Variants in CFAP74 observed in about 807,000 individuals in gnomAD.
CFAP74 encodes the protein cilia and flagella associated protein 74.
A neutral mutation model predicts 188.9 loss-of-function variants in CFAP74; 124 were observed. The ratio of observed to expected loss-of-function variants is 0.66; its 90% CI spans 0.57 to 0.76. CFAP74 has a LOEUF of 0.76. CFAP74 is among the 30% of genes least tolerant of loss of function. CFAP74 has a pLI of 0.00. For missense variants in CFAP74, 2,198 were observed against 2,165.2 expected, an observed-to-expected ratio of 1.02 and a Z score of -0.30; for synonymous variants, 956 against 916.7, an observed-to-expected ratio of 1.04 and a Z score of -0.77.
intron 10 of CFAP74, among the ~76,000 whole-genome samples, chr1:1,970,362 T>C (rs977693338): frequency 6.6e-6 from 1 of 151,914 alleles, no homozygotes; most frequent in African/African-American, 2.4e-5. Context: ...TTGTGAGAAG[T>C]CAGGACAGGA....
rs1179598278 is a variant in CFAP74, at chr1:1,944,377, A to G, written c.2440T>C (p.Cys814Arg). The G allele has an allele frequency of 6.5e-7, 1 of 1,536,100 alleles. No individual in the cohort carries two copies. Among genetic ancestry groups the G allele is most frequent in the Admixed American group, 2.0e-5 (1 of 51,000 alleles). ...VPKPSVDLKI[C>R]MYDRLYQDSV... ...TCCTGGTAGAGCCGGTCATACATGC[A>G]GATCTTCAGGTCCACGCTGGGCTTC... is the stretch of plus-strand genomic sequence containing the variant. Residue 814 changes from cysteine to arginine, a missense_variant, in exon 21 of 39, where the codon TGC (cysteine) becomes CGC (arginine). Coordinates refer to ENST00000682832, the MANE Select transcript of CFAP74 (RefSeq NM_001304360.2).
At chr1:1,988,680 G>T in intron 3 of CFAP74, 25 bp from the exon 4 acceptor site, 1 of 1,601,872 alleles carries the variant, frequency 6.2e-7, no homozygotes. Flanking sequence ...GACGTCAGCT[G>T]CCACCACCCC....
chr1:1,971,669 G>A (rs1656086451), intron 9 of CFAP74, among the ~76,000 whole-genome samples: 2 of 152,218 alleles, frequency 1.3e-5, no homozygotes, highest in South Asian at 4.1e-4. Flanking sequence ...TTGGCCCCAG[G>A]GCATGGCCTC....
chr1:1,972,460 C>A (rs1054699302), intron 8 of CFAP74, among the ~76,000 whole-genome samples: 1 of 152,244 alleles, frequency 6.6e-6, no homozygotes, highest in East Asian at 1.9e-4. Context: ...ACACGCCCAG[C>A]GCATCTCAAG....
At chr1:1,990,085 G>A (rs756390638) in intron 2 of CFAP74, among the ~76,000 whole-genome samples, 4 of 152,162 alleles carry the variant, frequency 2.6e-5, no homozygotes, top group African/African-American at 4.8e-5. Flanking sequence ...CAATAGGTTC[G>A]TTATTGCTAT....
chr1:1,926,878 C>T lies in CFAP74; in HGVS notation c.3662+16G>A. ...TGCGGCTGACCACACCCTGTTCTGGCCAGAGCACCCCGCACCTGAAGCTCA... is the reference window on the plus strand; with the variant it reads ...TGCGGCTGACCACACCCTGTTCTGGTCAGAGCACCCCGCACCTGAAGCTCA... On this transcript the variant is annotated intron_variant, in intron 29 of 38. Transcript: ENST00000682832. 1.3e-6 allele frequency: 2 copies of T among 1,549,872 alleles called. No individual in the cohort carries two copies. The highest frequency in any genetic ancestry group is 1.7e-6 in the Non-Finnish European group (2 of 1,146,702).
intron 1 of CFAP74, among the ~76,000 whole-genome samples, chr1:1,994,037 C>T (rs1441424684): frequency 2.6e-5 from 4 of 151,674 alleles, no homozygotes; most frequent in Non-Finnish European, 2.9e-5. Context: ...TGGTGGTGGG[C>T]ACCTGTAGTC....
Position 1,996,059 on chromosome 1 carries a change from A to G in CFAP74, c.-19-5084T>C, listed in dbSNP as rs867450236. Among the ~76,000 whole-genome samples the G allele has an allele frequency of 7.2e-5, 11 of 152,138 alleles. No homozygotes were observed. The South Asian group carries it at 1.9e-3, about 26-fold the overall frequency. On this transcript the variant is annotated intron_variant, in intron 1 of 38. Coordinates refer to ENST00000682832, the MANE Select transcript of CFAP74 (RefSeq NM_001304360.2). ...GAGTGCAGAGGTACGATCTCGGCTC[A>G]CTGCAACCTCTGCCTCCCGGAGTCA...
chr1:1,974,307 G>A, intron 6 of CFAP74, 109 bp from the exon 7 acceptor site: 1 of 1,125,942 alleles, frequency 8.9e-7, no homozygotes, highest in Middle Eastern at 2.1e-4. Flanking sequence ...GAACACCCCA[G>A]ATGGGTTAGC....
At chr1:1,929,424 G>A (rs1372808228) in intron 26 of CFAP74, among the ~76,000 whole-genome samples, 4 of 126,750 alleles carry the variant, frequency 3.2e-5, no homozygotes. Context: ...GGGAGGGAGC[G>A]AGGGGAGAGG....
At chr1:1,993,057 C>T (rs1570993341) in intron 1 of CFAP74, among the ~76,000 whole-genome samples, 3 of 151,276 alleles carry the variant, frequency 2.0e-5, no homozygotes, top group Admixed American at 2.0e-4. Flanking sequence ...AAAAACTAGC[C>T]AGGTATGGTG....
intron 1 of CFAP74, among the ~76,000 whole-genome samples, chr1:2,002,942 A>G (rs767401498): frequency 2.6e-5 from 4 of 151,486 alleles, no homozygotes; most frequent in East Asian, 3.9e-4. Context: ...ATATAAATAT[A>G]AAGTTTATAT....
At chr1:1,980,547 C>T (rs1056991285) in intron 6 of CFAP74, among the ~76,000 whole-genome samples, 2 of 152,236 alleles carry the variant, frequency 1.3e-5, no homozygotes, top group Non-Finnish European at 1.5e-5. Context: ...CGCTGAGGAC[C>T]GGGAGGTGGT....
At chr1:1,977,198 A>G (rs1005465725) in intron 6 of CFAP74, among the ~76,000 whole-genome samples, 1 of 152,156 alleles carries the variant, frequency 6.6e-6, no homozygotes, top group Non-Finnish European at 1.5e-5. Flanking sequence ...ATAGTGACAC[A>G]AAGACTGACG....
intron 1 of CFAP74, among the ~76,000 whole-genome samples, chr1:1,997,290 C>G (rs60910107): frequency 6.6e-6 from 1 of 151,924 alleles, no homozygotes; most frequent in African/African-American, 2.4e-5. Flanking sequence ...GGCGTGGTGG[C>G]GCACGCCTGT....
intron 1 of CFAP74, among the ~76,000 whole-genome samples, chr1:1,996,989 A>T (rs1238951631): frequency 6.6e-6 from 1 of 151,916 alleles, no homozygotes; most frequent in Non-Finnish European, 1.5e-5. Flanking sequence ...TAGAGTATAT[A>T]TATACCAAAA....
intron 11 of CFAP74, among the ~76,000 whole-genome samples, chr1:1,967,880 T>C (rs61775059): frequency 0.22 from 33,107 of 152,012 alleles, 3,804 homozygotes; most frequent in East Asian, 0.26. Flanking sequence ...AGGCCCTGGA[T>C]GTGAGTGAGT....
At chr1:1,980,834 C>A (rs1446958469) in intron 6 of CFAP74, among the ~76,000 whole-genome samples, 4 of 152,218 alleles carry the variant, frequency 2.6e-5, no homozygotes, top group African/African-American at 9.7e-5. Flanking sequence ...GACCACGACC[C>A]TCAGAAACCG....
Position 1,975,077 on chromosome 1 carries a change from T to C in CFAP74, c.501-879A>G, listed in dbSNP as rs553102586. 6.6e-6 allele frequency among the ~76,000 whole-genome samples: 1 copy of C among 152,228 alleles called. No individual in the cohort carries two copies. Among genetic ancestry groups the C allele is most frequent in the Non-Finnish European group, 1.5e-5 (1 of 68,046 alleles). On this transcript the variant is annotated intron_variant, in intron 6 of 38. Transcript: ENST00000682832. The surrounding 1 kb of genome is among the most constrained non-coding windows in gnomAD (Gnocchi z 4.5). ...GCAGGCGTTGAGCCGGCATCCTCAC[T>C]GCATTGCTGACATTCCACGTGACGT... is the stretch of plus-strand genomic sequence containing the variant.
Sources: allele counts gnomAD v4.1 joint callset (sites outside exome capture counted in the v4.1 genomes callset), GRCh38; gene constraint gnomAD v4.1.1; non-coding constraint Gnocchi (gnomAD v3.1); transcripts MANE v1.5; gene names NCBI Gene and HGNC (gene_info 2026-07-23, HGNC 2026-07-21).